Variants in MAN1A1 observed in about 807,000 individuals in gnomAD.
MAN1A1 encodes the protein mannosidase alpha class 1A member 1.
In MAN1A1, 29 loss-of-function variants were observed where a neutral mutation model predicts 70.8. The ratio of observed to expected loss-of-function variants is 0.41; its 90% CI spans 0.31 to 0.56. The LOEUF (loss-of-function observed/expected upper bound fraction) is 0.56, where lower values mean the gene tolerates loss of function less well. MAN1A1 is among the 20% of genes least tolerant of loss of function. MAN1A1 has a pLI of 0.29. For synonymous variants in MAN1A1, 349 were observed against 330.1 expected (o/e 1.06, Z -0.62); for missense variants, 747 against 841.3 (o/e 0.89, Z 1.39).
chr6:119,249,932 T>C (rs377584729), intron 5 of MAN1A1, among the ~76,000 whole-genome samples: 43 of 152,288 alleles, frequency 2.8e-4, no homozygotes, highest in African/African-American at 9.9e-4. Flanking sequence ...TTTAGATAAA[T>C]TGACATTCCT....
chr6:119,271,939 G>A (rs1022691575), intron 5 of MAN1A1, among the ~76,000 whole-genome samples: 2 of 152,072 alleles, frequency 1.3e-5, no homozygotes, highest in Non-Finnish European at 2.9e-5. Context: ...CAAGTACCTC[G>A]TATCCTATTA....
intron 5 of MAN1A1, among the ~76,000 whole-genome samples, chr6:119,271,648 C>T (rs1775926789): frequency 2.0e-5 from 3 of 150,848 alleles, no homozygotes; most frequent in Non-Finnish European, 3.0e-5. Flanking sequence ...TACAGGCATG[C>T]ACCACTACAC....
intron 3 of MAN1A1, among the ~76,000 whole-genome samples, chr6:119,303,052 T>C (rs770852433): frequency 1.3e-5 from 2 of 152,160 alleles, no homozygotes; most frequent in Non-Finnish European, 1.5e-5. Flanking sequence ...AGGGTCTTGC[T>C]CTGTCCCCCA....
At chr6:119,349,504 A>G (rs1378858500) in intron 1 of MAN1A1, 38 bp downstream of exon 1, 2 of 979,414 alleles carry the variant, frequency 2.0e-6, no homozygotes, top group Non-Finnish European at 2.4e-6. Flanking sequence ...GGAAGGGGTC[A>G]GGGCAGCGCG....
intron 2 of MAN1A1, among the ~76,000 whole-genome samples, chr6:119,311,754 C>T (rs925408019): frequency 2.1e-4 from 32 of 152,032 alleles, no homozygotes; most frequent in African/African-American, 7.5e-4. Context: ...TGTCACTTTG[C>T]AGCATGATGG....
chr6:119,297,679 G>GA (rs1322334940), intron 4 of MAN1A1, among the ~76,000 whole-genome samples: 4 of 140,868 alleles, frequency 2.8e-5, no homozygotes, highest in African/African-American at 1.1e-4. Flanking sequence ...ATACACCCAT[G>GA]AAAAAAATCA....
chr6:119,276,148 C>T (rs1049426857), intron 5 of MAN1A1, among the ~76,000 whole-genome samples: 2 of 152,164 alleles, frequency 1.3e-5, no homozygotes, highest in East Asian at 3.9e-4. Context: ...CCAAATCTTC[C>T]ATGGTTGACC....
intron 10 of MAN1A1, 126 bp downstream of exon 10, chr6:119,189,538 G>C: frequency 1.2e-6 from 1 of 805,472 alleles, no homozygotes; most frequent in Non-Finnish European, 2.1e-6. Context: ...ATTCCTTTGA[G>C]ACATTAATCA....
chr6:119,281,051 C>T (rs1286482567), intron 5 of MAN1A1, among the ~76,000 whole-genome samples: 1 of 152,186 alleles, frequency 6.6e-6, no homozygotes, highest in Admixed American at 6.5e-5. Flanking sequence ...GTCAACTTTA[C>T]TGTTTCAAAT....
chr6:119,338,474 A>G (rs1475829842), intron 2 of MAN1A1, among the ~76,000 whole-genome samples: 1 of 152,224 alleles, frequency 6.6e-6, no homozygotes, highest in African/African-American at 2.4e-5. Flanking sequence ...CTCTTCACAC[A>G]TAAGAACAAA....
chr6:119,249,024 G>C (rs142641158), intron 5 of MAN1A1, among the ~76,000 whole-genome samples: 1 of 152,162 alleles, frequency 6.6e-6, no homozygotes, highest in East Asian at 1.9e-4. Flanking sequence ...AATACTAGGT[G>C]AGTTCAGTGA....
intron 11 of MAN1A1, among the ~76,000 whole-genome samples, chr6:119,185,177 C>T (rs997165321): frequency 4.6e-5 from 7 of 152,136 alleles, no homozygotes; most frequent in Non-Finnish European, 1.0e-4. Context: ...CTTGAGCCAC[C>T]ACGCCTGGCT....
chr6:119,323,474 T>C (rs1198175257), intron 2 of MAN1A1, among the ~76,000 whole-genome samples: 1 of 152,150 alleles, frequency 6.6e-6, no homozygotes. Flanking sequence ...ATCAAGTATT[T>C]TTAGCACTTA....
At chr6:119,329,878 T>C (rs976634238) in intron 2 of MAN1A1, among the ~76,000 whole-genome samples, 2 of 152,190 alleles carry the variant, frequency 1.3e-5, no homozygotes, top group East Asian at 3.9e-4. Flanking sequence ...GGTCATCTTC[T>C]ACCTGCTTCT....
At chr6:119,229,738 C>T (rs1180048262) in intron 6 of MAN1A1, among the ~76,000 whole-genome samples, 1 of 152,130 alleles carries the variant, frequency 6.6e-6, no homozygotes, top group African/African-American at 2.4e-5. Context: ...ATCCCCTCTT[C>T]TCTGTTTTAA....
chr6:119,298,845 C>A (rs1772302999), intron 4 of MAN1A1, among the ~76,000 whole-genome samples: 1 of 152,076 alleles, frequency 6.6e-6, no homozygotes, highest in Non-Finnish European at 1.5e-5. Context: ...ATCCACCCGC[C>A]TCGGCCTCCC....
At chr6:119,296,848 G>A (rs1772229278) in intron 4 of MAN1A1, among the ~76,000 whole-genome samples, 1 of 152,200 alleles carries the variant, frequency 6.6e-6, no homozygotes, top group African/African-American at 2.4e-5. Flanking sequence ...AGTGTCCACA[G>A]CAGGCTGATC....
At position 119,317,335 on chromosome 6, in the gene MAN1A1, T is replaced by C. The variant is rs58157033; in HGVS notation, c.604-10343A>G. ...ACAATGTATAATGGCATGTATTTAC[T>C]ACCATAGTATCATAGAGTATTTTCA... On this transcript the variant is annotated intron_variant, in intron 2 of 12. Transcript: ENST00000368468. Among the ~76,000 whole-genome samples the C allele has an allele frequency of 5.8e-3, 887 of 152,296 alleles. 29 individuals are homozygous for C. The East Asian group carries it at 0.089, about 15-fold the overall frequency.
chr6:119,329,456 C>G, intron 2 of MAN1A1, among the ~76,000 whole-genome samples: 1 of 97,450 alleles, frequency 1.0e-5, no homozygotes. Context: ...TAATAAATAT[C>G]CCCCCCCCAC....
Sources: allele counts gnomAD v4.1 joint callset (sites outside exome capture counted in the v4.1 genomes callset), GRCh38; gene constraint gnomAD v4.1.1; transcripts MANE v1.5; gene names NCBI Gene and HGNC (gene_info 2026-07-23, HGNC 2026-07-21).